Variants in ONECUT1 observed in about 807,000 individuals in gnomAD.
ONECUT1 encodes the protein one cut homeobox 1, also known as hepatocyte nuclear factor 6.
In ONECUT1, 12 loss-of-function variants were observed where a neutral mutation model predicts 25.6. That is an observed-to-expected ratio of 0.47 (90% CI 0.30 to 0.76). The LOEUF (loss-of-function observed/expected upper bound fraction) is 0.76, where lower values mean the gene tolerates loss of function less well. ONECUT1 is among the 30% of genes least tolerant of loss of function. The pLI is 0.07. For missense variants in ONECUT1, 620 were observed against 651.2 expected (o/e 0.95, Z 0.52); for synonymous variants, 285 against 270.2 (o/e 1.05, Z -0.54).
chr15:52,783,751 C>G (rs780591760), intron 1 of ONECUT1, among the ~76,000 whole-genome samples: 7 of 152,232 alleles, frequency 4.6e-5, no homozygotes, highest in Non-Finnish European at 1.0e-4. Context: ...GCTGACCCCG[C>G]TTTTCTTAAA....
At chr15:52,773,601 G>T (rs2440325) in intron 1 of ONECUT1, among the ~76,000 whole-genome samples, 94,353 of 151,870 alleles carry the variant, frequency 0.62, 29,442 homozygotes, top group East Asian at 0.78. Flanking sequence ...ACTCTAACAT[G>T]TTTCCCCACC....
At chr15:52,762,321 A>C (rs1267170092) in intron 1 of ONECUT1, among the ~76,000 whole-genome samples, 1 of 152,234 alleles carries the variant, frequency 6.6e-6, no homozygotes, top group African/African-American at 2.4e-5. Context: ...GATGGTTTGC[A>C]GATTAAGGAC....
chr15:52,787,601 G>A (rs1303488117), intron 1 of ONECUT1, among the ~76,000 whole-genome samples: 1 of 150,588 alleles, frequency 6.6e-6, no homozygotes, highest in Non-Finnish European at 1.5e-5. Context: ...GCTCAGGCCT[G>A]GGCGCTGGGC....
chr15:52,789,748 G>A lies in ONECUT1; in HGVS notation c.137C>T (p.Pro46Leu), dbSNP rs1386961041. 1 of 1,410,926 alleles carries A rather than the reference G, an allele frequency of 7.1e-7. No homozygotes were observed. The highest frequency in any genetic ancestry group is 2.3e-4 in the Middle Eastern group (1 of 4,426). The allele number at this position is 1,410,926 out of a possible 1,614,324, so 87.4% of individuals were successfully genotyped here. The change falls in exon 1 of 2, where the codon CCC becomes CTC. Residue 46 changes from proline (P) to leucine (L), a missense_variant. This residue lies in a region of ONECUT1 where 440 missense variants were observed against 404.9 expected (regional missense o/e 1.09). Transcript: ENST00000305901. The surrounding 1 kb of genome is among the most constrained non-coding windows in gnomAD (Gnocchi z 4.1). ...GCCCATGGAGCGCGGGTGCGCGGGGGGCAGGTGGCTGCCGCGGTGCGCCAC... is the reference window on the plus strand; with the variant it reads ...GCCCATGGAGCGCGGGTGCGCGGGGAGCAGGTGGCTGCCGCGGTGCGCCAC... ...SSVAHRGSHL[P>L]PAHPRSMGMA...
At chr15:52,765,118 A>G (rs991262176) in intron 1 of ONECUT1, among the ~76,000 whole-genome samples, 2 of 152,238 alleles carry the variant, frequency 1.3e-5, no homozygotes, top group Admixed American at 1.3e-4. Flanking sequence ...CATGTGGGCC[A>G]GAATATGAAA....
In ONECUT1 at chr15:52,789,581, T is replaced by C; in HGVS notation, c.304A>G (p.Thr102Ala). The C allele has an allele frequency of 6.3e-7, 1 of 1,580,040 alleles. No individual in the cohort carries two copies. The highest frequency in any genetic ancestry group is 1.3e-5 in the African/African-American group (1 of 74,144). Residue 102 changes from threonine to alanine, a missense_variant, in exon 1 of 2, where the codon ACC (threonine) becomes GCC (alanine). Coordinates refer to ENST00000305901, the MANE Select transcript of ONECUT1 (RefSeq NM_004498.4). The surrounding 1 kb of genome is among the most constrained non-coding windows in gnomAD (Gnocchi z 4.1). ...TGCAGAGGGGTCAAGGTGGTGTAGG[T>C]GGTGGGCATGCTCATACCTGGGGGA... ...ETPPGMSMPT[T>A]YTTLTPLQPL...
chr15:52,757,923 A>G (rs758256799), intron 1 of ONECUT1, 76 bp from the exon 2 acceptor site: 40 of 1,496,386 alleles, frequency 2.7e-5, no homozygotes, highest in Non-Finnish European at 3.5e-5. Context: ...AGCTCATAAA[A>G]TTTGTTAGCC....
Position 52,789,127 on chromosome 15 carries a change from TG to T in ONECUT1, c.757del (p.His253ThrfsTer4). On this transcript the variant is annotated frameshift_variant, in exon 1 of 2. Coordinates refer to ENST00000305901, the MANE Select transcript of ONECUT1 (RefSeq NM_004498.4). LOFTEE classifies it high-confidence loss of function. This position sits in a 1 kb window ranked among gnomAD's most constrained non-coding sequence, Gnocchi z 4.1. ...PINGLPPHHP[H>X]AHLNAQGHGQ... Reference sequence around the variant, plus strand: ...GTGGCCCTGGGCGTTCAGGTGGGCGTGGGGATGGTGCGGAGGAAGGCCGTTG... The same window carrying T: ...GTGGCCCTGGGCGTTCAGGTGGGCGTGGGATGGTGCGGAGGAAGGCCGTTG... 6.2e-7 allele frequency: 1 copy of T among 1,600,244 alleles called. No individual in the cohort carries two copies.
At chr15:52,761,602 C>T (rs988275787) in intron 1 of ONECUT1, among the ~76,000 whole-genome samples, 39 of 152,164 alleles carry the variant, frequency 2.6e-4, no homozygotes, top group Admixed American at 5.9e-4. Flanking sequence ...ACCCAGGATG[C>T]AGAAGTTGTA....
In ONECUT1 at chr15:52,766,131, G is replaced by A. The variant is rs1322507322; in HGVS notation, c.1106-8284C>T. On this transcript the variant is annotated intron_variant, in intron 1 of 1. Coordinates refer to ENST00000305901, the MANE Select transcript of ONECUT1 (RefSeq NM_004498.4). ...ACATTCCCAGTGGGGAATAATCACC[G>A]TAACTCACCCTTGTGTCTTGCTTTA... Among the ~76,000 whole-genome samples, 5 of 152,226 alleles carry A rather than the reference G, an allele frequency of 3.3e-5. No individual in the cohort carries two copies. In the South Asian group the frequency reaches 6.2e-4, roughly 19 times the overall value.
chr15:52,755,566 G>A lies in ONECUT1; in HGVS notation c.*1989C>T, dbSNP rs183473251. ...CACAGATAGATGGCTTGTTGGTTTTGCTTTACCTCTCTAGTTGCCTGCCTG... is the reference window on the plus strand; with the variant it reads ...CACAGATAGATGGCTTGTTGGTTTTACTTTACCTCTCTAGTTGCCTGCCTG... On this transcript the variant is annotated 3_prime_UTR_variant, in exon 2 of 2. Coordinates refer to ENST00000305901, the MANE Select transcript of ONECUT1 (RefSeq NM_004498.4). 1.8e-3 allele frequency among the ~76,000 whole-genome samples: 275 copies of A among 152,314 alleles called. No homozygotes were observed. Among genetic ancestry groups the A allele is most frequent in the Admixed American group, 3.2e-3 (49 of 15,310 alleles).
chr15:52,778,747 G>A (rs1027971220), intron 1 of ONECUT1, among the ~76,000 whole-genome samples: 1 of 152,196 alleles, frequency 6.6e-6, no homozygotes, highest in Admixed American at 6.5e-5. Context: ...TGAAACTGCA[G>A]ACAGAGCACT....
At chr15:52,770,465 A>G (rs1055038388) in intron 1 of ONECUT1, among the ~76,000 whole-genome samples, 4 of 152,190 alleles carry the variant, frequency 2.6e-5, no homozygotes, top group Non-Finnish European at 5.9e-5. Context: ...CTGACCATCT[A>G]ACAAGCTCCC....
chr15:52,777,984 C>T (rs553784988), intron 1 of ONECUT1, among the ~76,000 whole-genome samples: 13 of 152,206 alleles, frequency 8.5e-5, no homozygotes, highest in African/African-American at 2.7e-4. Flanking sequence ...GGGGCTAGAA[C>T]CTGCTTAAAT....
At position 52,789,646 on chromosome 15, in the gene ONECUT1, G is replaced by A. The variant is rs765974071; in HGVS notation, c.239C>T (p.Ala80Val). 55 of 1,551,172 alleles carry A rather than the reference G, an allele frequency of 3.5e-5. No individual in the cohort carries two copies. In the East Asian group the frequency reaches 7.6e-4, roughly 21 times the overall value. ...GGTCATGGTGGGATGCAGGGGGCCG[G>A]CCAGGCTGTGCTCAGGGGCCCGGTG... ...HHHRAPEHSL[A>V]GPLHPTMTMA... is the part of the protein sequence containing the mutation. The change falls in exon 1 of 2, where the codon GCC (alanine) becomes GTC (valine). Residue 80 changes from alanine (A) to valine (V), a missense_variant. Transcript: ENST00000305901. This position sits in a 1 kb window ranked among gnomAD's most constrained non-coding sequence, Gnocchi z 4.1.
rs1300162584 is a variant in ONECUT1 at position 52,789,186 on chromosome 15, G to C, written c.699C>G (p.His233Gln). The C allele has an allele frequency of 6.3e-7, 1 of 1,578,832 alleles. No individual in the cohort carries two copies. Among genetic ancestry groups the C allele is most frequent in the Non-Finnish European group, 8.6e-7 (1 of 1,165,710 alleles). Reference sequence around the variant, plus strand: ...CCATGCCGGCCGAGGTGGGCGTGAGGTGCTGCTCCCCGTGGCGGCCGAGCA... The same window carrying C: ...CCATGCCGGCCGAGGTGGGCGTGAGCTGCTGCTCCCCGTGGCGGCCGAGCA... ...PAMLGRHGEQ[H>Q]LTPTSAGMVP... Residue 233 changes from histidine to glutamine, a missense_variant, in exon 1 of 2, where the codon CAC (histidine) becomes CAG (glutamine). This residue lies in a region of ONECUT1 where 440 missense variants were observed against 404.9 expected (regional missense o/e 1.09). Coordinates refer to ENST00000305901, the MANE Select transcript of ONECUT1 (RefSeq NM_004498.4). This position sits in a 1 kb window ranked among gnomAD's most constrained non-coding sequence, Gnocchi z 4.1.
At chr15:52,764,201 A>T (rs56772467) in intron 1 of ONECUT1, among the ~76,000 whole-genome samples, 3,581 of 152,332 alleles carry the variant, frequency 0.024, 155 homozygotes, top group African/African-American at 0.083. Flanking sequence ...CCTGGGAGGC[A>T]TTAATAAAGC....
chr15:52,780,456 T>C, intron 1 of ONECUT1: 1 of 785,214 alleles, frequency 1.3e-6, no homozygotes, highest in South Asian at 2.1e-5. Context: ...GTTAACTTTC[T>C]TTCTGAGTCC....
chr15:52,790,131 C>CTTTT lies in ONECUT1; in HGVS notation c.-251_-248dup. On this transcript the variant is annotated 5_prime_UTR_variant, in exon 1 of 2. Coordinates refer to ENST00000305901, the MANE Select transcript of ONECUT1 (RefSeq NM_004498.4). Reference sequence around the variant, plus strand: ...CCCACCTTCCCCTCTGCGTCCTCGGCTTTTTTTTTTTTAATATTAATTTCC... The same window carrying CTTTT: ...CCCACCTTCCCCTCTGCGTCCTCGGCTTTTTTTTTTTTTTTTAATATTAATTTCC... The CTTTT allele has an allele frequency of 5.2e-6, 2 of 383,234 alleles. No individual in the cohort carries two copies. The highest frequency in any genetic ancestry group is 1.3e-4 in the South Asian group (1 of 7,736). 23.7% of individuals were successfully genotyped at this position (383,234 alleles called of 1,614,324 possible). A position where few individuals can be genotyped will look rare whatever the true frequency, so the allele number is the denominator to read the frequency against.
Sources: allele counts gnomAD v4.1 joint callset (sites outside exome capture counted in the v4.1 genomes callset), GRCh38; gene constraint gnomAD v4.1.1; regional missense constraint gnomAD v4.1.1; non-coding constraint Gnocchi (gnomAD v3.1); transcripts MANE v1.5; gene names NCBI Gene and HGNC (gene_info 2026-07-23, HGNC 2026-07-21).